NAALADL2: variants seen among roughly 807,000 people sequenced by gnomAD.
The protein encoded by NAALADL2 is N-acetylated alpha-linked acidic dipeptidase like 2.
NAALADL2 carries 76 observed loss-of-function variants against 87.2 expected under a neutral mutation model. That is an observed-to-expected ratio of 0.87 (90% confidence interval 0.72 to 1.05). NAALADL2 has a LOEUF of 1.05. Among genes scored for constraint, NAALADL2 ranks in the 50% least tolerant of loss-of-function variants. The probability of loss-of-function intolerance (pLI) is 0.00; values close to 1 mark genes in which losing one functional copy is unlikely to be tolerated. For synonymous variants in NAALADL2, 354 were observed against 331.0 expected (o/e 1.07, Z -0.75); for missense variants, 1,089 against 945.8 (o/e 1.15, Z -1.99).
intron 5 of NAALADL2, among the ~76,000 whole-genome samples, chr3:175,408,034 G>C (rs1712729073): frequency 6.6e-6 from 1 of 152,080 alleles, no homozygotes; most frequent in Non-Finnish European, 1.5e-5. Context: ...TTCTCACAAA[G>C]ACGAATACTT....
rs1384229396 is a variant in NAALADL2 at position 175,722,182 on chromosome 3, T to G, written c.1897-15124T>G. Among the ~76,000 whole-genome samples, 3 of 152,236 alleles carry G rather than the reference T, an allele frequency of 2.0e-5. No homozygotes were observed. In the East Asian group the frequency reaches 5.8e-4, roughly 29 times the overall value. The stretch of plus-strand genomic sequence containing the variant: ...ATTTCAACTTTCAACCCCTATATTC[T>G]TATCTGCAAATTGAGGTGATAAAAT... On this transcript the variant is annotated intron_variant, in intron 11 of 13. Coordinates refer to ENST00000454872, the MANE Select transcript of NAALADL2 (RefSeq NM_207015.3).
At chr3:175,766,929 C>T (rs1349925124) in intron 13 of NAALADL2, among the ~76,000 whole-genome samples, 1 of 151,924 alleles carries the variant, frequency 6.6e-6, no homozygotes, top group African/African-American at 2.4e-5. Flanking sequence ...AAATACGGAG[C>T]AAGTATAGCA....
intron 2 of NAALADL2, among the ~76,000 whole-genome samples, chr3:175,147,562 A>T (rs554883009): frequency 6.5e-5 from 9 of 138,684 alleles, no homozygotes; most frequent in Non-Finnish European, 6.2e-5. Context: ...GTGAGTGCAT[A>T]TGTCTTTTTG....
intron 10 of NAALADL2, among the ~76,000 whole-genome samples, chr3:175,585,906 AATTTCCATGACAATGCC>A (rs1720477563): frequency 6.6e-6 from 1 of 152,214 alleles, no homozygotes; most frequent in Non-Finnish European, 1.5e-5. Context: ...CATGTCTTCT[AATTTCCATGACAATGCC>A]ACATTTCTTT....
chr3:175,557,787 A>T (rs758300389), intron 9 of NAALADL2, among the ~76,000 whole-genome samples: 1 of 152,062 alleles, frequency 6.6e-6, no homozygotes, highest in African/African-American at 2.4e-5. Flanking sequence ...CCGCCATTTT[A>T]CCTAAGGTGA....
chr3:175,654,812 T>A (rs774177059), intron 11 of NAALADL2, among the ~76,000 whole-genome samples: 1 of 152,262 alleles, frequency 6.6e-6, no homozygotes, highest in Non-Finnish European at 1.5e-5. Context: ...CTTTTCTGTG[T>A]TTCTTGGGAG....
intron 13 of NAALADL2, among the ~76,000 whole-genome samples, chr3:175,766,145 A>G (rs1055075708): frequency 7.9e-5 from 12 of 152,148 alleles, no homozygotes; most frequent in African/African-American, 2.9e-4. Flanking sequence ...CACCAAATAT[A>G]TCCCTACTTC....
Position 175,097,087 on chromosome 3 carries a change from C to T in NAALADL2, c.341C>T (p.Ala114Val), listed in dbSNP as rs749770953. Residue 114 changes from alanine (A) to valine (V), a missense_variant, in exon 2 of 14, where the codon GCA (alanine) becomes GTA (valine). Coordinates refer to ENST00000454872, the MANE Select transcript of NAALADL2 (RefSeq NM_207015.3). ...TACATTACCCATTATACACGATCTG[C>T]ACCAAAGAGCAATCGCTGCAACTTT... ...SDYITHYTRS[A>V]PKSNRCNFCH... 4.3e-6 allele frequency: 7 copies of T among 1,613,576 alleles called. No individual in the cohort carries two copies. The East Asian group carries it at 1.6e-4, about 36-fold the overall frequency.
At chr3:174,779,574 C>G (rs559832852) in intron 3 of NAALADL2, among the ~76,000 whole-genome samples, 6 of 152,182 alleles carry the variant, frequency 3.9e-5, no homozygotes, top group Non-Finnish European at 8.8e-5. Flanking sequence ...AATGGTATTG[C>G]CTATGTTTTA....
At chr3:175,199,581 T>A (rs552115894) in intron 2 of NAALADL2, among the ~76,000 whole-genome samples, 1 of 151,770 alleles carries the variant, frequency 6.6e-6, no homozygotes, top group South Asian at 2.1e-4. Context: ...AGTTAGTATT[T>A]GTTACGTGAA....
intron 3 of NAALADL2, among the ~76,000 whole-genome samples, chr3:174,753,223 G>A (rs1251530545): frequency 1.3e-5 from 2 of 152,002 alleles, no homozygotes; most frequent in South Asian, 2.1e-4. Flanking sequence ...ACAGGCATGC[G>A]CCACCATGCC....
intron 2 of NAALADL2, among the ~76,000 whole-genome samples, chr3:175,150,670 A>G (rs1580704594): frequency 6.6e-6 from 1 of 152,162 alleles, no homozygotes; most frequent in African/African-American, 2.4e-5. Flanking sequence ...TAAGGGATAT[A>G]AAGATTATCA....
chr3:175,385,446 G>A (rs1201025398), intron 5 of NAALADL2, among the ~76,000 whole-genome samples: 1 of 152,010 alleles, frequency 6.6e-6, no homozygotes, highest in Admixed American at 6.6e-5. Flanking sequence ...GTGAAAGATA[G>A]CTTCCCTCCA....
chr3:174,849,944 A>T (rs1460538660), intron 3 of NAALADL2, among the ~76,000 whole-genome samples: 2 of 152,130 alleles, frequency 1.3e-5, no homozygotes, highest in Non-Finnish European at 2.9e-5. Flanking sequence ...CACAACAATT[A>T]AAGTGTTATA....
At chr3:175,385,382 T>C (rs1275155723) in intron 5 of NAALADL2, among the ~76,000 whole-genome samples, 1 of 152,112 alleles carries the variant, frequency 6.6e-6, no homozygotes, top group East Asian at 1.9e-4. Context: ...TACTTTTAGT[T>C]TGTCTCGTTT....
At chr3:175,744,605 T>C (rs146982033) in intron 12 of NAALADL2, among the ~76,000 whole-genome samples, 2 of 152,362 alleles carry the variant, frequency 1.3e-5, no homozygotes, top group African/African-American at 2.4e-5. Context: ...CTTTAAACTA[T>C]ACATTTTTAT....
intron 1 of NAALADL2, among the ~76,000 whole-genome samples, chr3:174,464,277 TG>T (rs1335264142): frequency 1.1e-4 from 16 of 152,098 alleles, no homozygotes; most frequent in Admixed American, 6.6e-5. Flanking sequence ...TATTCCAATC[TG>T]TATCTAATTT....
At chr3:174,849,099 T>C (rs73174779) in intron 3 of NAALADL2, among the ~76,000 whole-genome samples, 13,880 of 152,106 alleles carry the variant, frequency 0.091, 838 homozygotes, top group Non-Finnish European at 0.12. Context: ...TCTTGCAGAG[T>C]TGGAAGTTGT....
chr3:175,006,696 T>C (rs1162144474), intron 1 of NAALADL2, among the ~76,000 whole-genome samples: 1 of 151,990 alleles, frequency 6.6e-6, no homozygotes, highest in Non-Finnish European at 1.5e-5. Context: ...CTTGAGGTTT[T>C]TAACAGCCAC....
Sources: allele counts gnomAD v4.1 joint callset (sites outside exome capture counted in the v4.1 genomes callset), GRCh38; gene constraint gnomAD v4.1.1; transcripts MANE v1.5; gene names NCBI Gene and HGNC (gene_info 2026-07-23, HGNC 2026-07-21).